Variants in ZNF462 observed in about 807,000 individuals in gnomAD.
ZNF462 encodes zinc finger protein 462.
Under a neutral mutation model 201.9 loss-of-function variants are expected in ZNF462, and 10 were observed. That is an observed-to-expected ratio of 0.05 (90% CI 0.03 to 0.08). The LOEUF is 0.08. ZNF462 is among the 10% of genes least tolerant of loss of function. The pLI is 1.00. For missense variants in ZNF462, 2,523 were observed against 3,168.3 expected (o/e 0.80, Z 4.89); for synonymous variants, 1,227 against 1,193.3 (o/e 1.03, Z -0.58).
chr9:106,892,749 T>C (rs1828643457), intron 1 of ZNF462, among the ~76,000 whole-genome samples: 1 of 151,986 alleles, frequency 6.6e-6, no homozygotes, highest in African/African-American at 2.4e-5. Context: ...ATGAATAATA[T>C]TTAGTCTGCA....
chr9:106,861,354 A>G (rs1827061539), upstream of ZNF462, among the ~76,000 whole-genome samples: 1 of 152,068 alleles, frequency 6.6e-6, no homozygotes, highest in Admixed American at 6.5e-5. Context: ...TTATAGGTAT[A>G]TATCTTCTCG....
intron 1 of ZNF462, among the ~76,000 whole-genome samples, chr9:106,878,847 C>T (rs1457927046): frequency 6.6e-6 from 1 of 152,140 alleles, no homozygotes; most frequent in East Asian, 1.9e-4. Context: ...ATATTTACTC[C>T]AAAATATCTT....
chr9:106,923,422 C>T lies in ZNF462; in HGVS notation c.39C>T (p.Ala13=). The T allele has an allele frequency of 6.2e-7, 1 of 1,614,140 alleles. No homozygotes were observed. The highest frequency in any genetic ancestry group is 8.5e-7 in the Non-Finnish European group (1 of 1,180,032). Residue 13 remains alanine, a synonymous_variant, in exon 2 of 13, where the codon GCC becomes GCT. Coordinates refer to ENST00000277225, the MANE Select transcript of ZNF462 (RefSeq NM_021224.6). This position sits in a 1 kb window ranked among gnomAD's most constrained non-coding sequence, Gnocchi z 5.6. ...VLQCDGCDFR[A]PSYEDLKAHI... ...AGTGTGATGGCTGTGATTTCCGAGC[C>T]CCGTCTTATGAAGATCTCAAGGCAC...
Position 106,941,762 on chromosome 9 carries a change from G to A in ZNF462, c.6427+2655G>A, listed in dbSNP as rs557913082. ...TAGTTAATAATTGTTCATTCAGTAA[G>A]TATTTTCTTGAATCCTTACTATAGA... On this transcript the variant is annotated intron_variant, in intron 7 of 12. Transcript: ENST00000277225. Among the ~76,000 whole-genome samples, 12 of 152,350 alleles carry A rather than the reference G, an allele frequency of 7.9e-5. No individual in the cohort carries two copies. In the South Asian group the frequency reaches 2.3e-3, roughly 29 times the overall value.
At chr9:106,904,645 T>G (rs1829193223) in intron 1 of ZNF462, among the ~76,000 whole-genome samples, 1 of 152,234 alleles carries the variant, frequency 6.6e-6, no homozygotes, top group Non-Finnish European at 1.5e-5. Flanking sequence ...TTTTTCTTTG[T>G]CTTTGTTGGA....
intron 10 of ZNF462, among the ~76,000 whole-genome samples, chr9:106,997,110 T>TCC (rs146384082): frequency 1.3e-3 from 198 of 151,446 alleles, no homozygotes; most frequent in African/African-American, 4.2e-3. Context: ...TTTCTTTCTT[T>TCC]CCCCCCCCAG....
Position 107,013,049 on chromosome 9 carries a change from T to C in ZNF462, c.*2019T>C, listed in dbSNP as rs1830012003. On this transcript the variant is annotated 3_prime_UTR_variant, in exon 13 of 13. Transcript: ENST00000277225. ...TTAATTGGCCTCATTTCAAATGTAT[T>C]AAACAGTTCCATACCTGGATTGGGT... 7.3e-6 allele frequency: 1 copy of C among 136,408 alleles called. No homozygotes were observed. Among genetic ancestry groups the C allele is most frequent in the Non-Finnish European group, 1.5e-5 (1 of 67,784 alleles). 8.4% of individuals were successfully genotyped at this position (136,408 alleles called of 1,614,324 possible). A position where few individuals can be genotyped will look rare whatever the true frequency, so the allele number is the denominator to read the frequency against.
rs900729376 is a variant in ZNF462 at position 106,930,783 on chromosome 9, C to T, written c.6012+94C>T. On this transcript the variant is annotated intron_variant, in intron 4 of 12. Coordinates refer to ENST00000277225, the MANE Select transcript of ZNF462 (RefSeq NM_021224.6). The surrounding 1 kb of genome is among the most constrained non-coding windows in gnomAD (Gnocchi z 5.8). ...TAAAGCAGCTCAGGAAAGAGCATCT[C>T]AGAATGCGGGCATTCCTGAATTATG... 8.3e-6 allele frequency: 12 copies of T among 1,452,336 alleles called. No individual in the cohort carries two copies. The highest frequency in any genetic ancestry group is 5.7e-5 in the Admixed American group (3 of 52,282). 90.0% of individuals were successfully genotyped at this position (1,452,336 alleles called of 1,614,324 possible). A position where few individuals can be genotyped will look rare whatever the true frequency, so the allele number is the denominator to read the frequency against.
chr9:106,868,142 A>C (rs1827429102), intron 1 of ZNF462, among the ~76,000 whole-genome samples: 1 of 151,992 alleles, frequency 6.6e-6, no homozygotes, highest in Admixed American at 6.6e-5. Flanking sequence ...ATGGAGTATG[A>C]TGGCTTTGAG....
At chr9:106,965,449 G>A (rs1832031031) in intron 7 of ZNF462, among the ~76,000 whole-genome samples, 1 of 152,040 alleles carries the variant, frequency 6.6e-6, no homozygotes, top group South Asian at 2.1e-4. Flanking sequence ...GTAATAGGAG[G>A]ACCTCAATGA....
At chr9:106,957,944 C>G (rs895571348) in intron 7 of ZNF462, among the ~76,000 whole-genome samples, 1 of 152,008 alleles carries the variant, frequency 6.6e-6, no homozygotes, top group African/African-American at 2.4e-5. Context: ...CTACTAAGTT[C>G]CTTTCTTTCC....
chr9:107,012,439 C>CTTTTTTTT lies in ZNF462; in HGVS notation c.*1427_*1434dup, dbSNP rs962253808. 153 of 86,184 alleles carry CTTTTTTTT rather than the reference C, an allele frequency of 1.8e-3. 1 individual carries two copies. The highest frequency in any genetic ancestry group is 2.3e-3 in the East Asian group (6 of 2,554). The allele number at this position is 86,184 out of a possible 1,614,324, so 5.3% of individuals were successfully genotyped here. The stretch of plus-strand genomic sequence containing the variant: ...GCCTGGAGAACTACTTTCTTTCTTT[C>CTTTTTTTT]TTTTTTTTTTTTTTTTTTTTTTTTT... On this transcript the variant is annotated 3_prime_UTR_variant, in exon 13 of 13. Transcript: ENST00000277225.
In ZNF462 at chr9:106,987,796, C is replaced by T. The variant is rs148568139; in HGVS notation, c.7056+3387C>T. Among the ~76,000 whole-genome samples the T allele has an allele frequency of 8.0e-4, 122 of 152,188 alleles. 1 individual carries two copies. Among genetic ancestry groups the T allele is most frequent in the Non-Finnish European group, 1.4e-3 (94 of 67,992 alleles). ...TCTTCTAGAATTTTTATAGTTTCTC[C>T]TCTTAGATTTAAGTCCTTAATCCAT... On this transcript the variant is annotated intron_variant, in intron 10 of 12. Coordinates refer to ENST00000277225, the MANE Select transcript of ZNF462 (RefSeq NM_021224.6).
Position 106,932,559 on chromosome 9 carries a change from A to G in ZNF462, c.6116+10A>G, listed in dbSNP as rs764738865. On this transcript the variant is annotated intron_variant, in intron 5 of 12. Coordinates refer to ENST00000277225, the MANE Select transcript of ZNF462 (RefSeq NM_021224.6). The surrounding 1 kb of genome is among the most constrained non-coding windows in gnomAD (Gnocchi z 6.8). ...CTGCTTTCAGGCACAAGTAAGTGCT[A>G]TTGGGGGGTCACTAGTGGTTACTGG... 15 of 1,614,076 alleles carry G rather than the reference A, an allele frequency of 9.3e-6. No homozygotes were observed. Among genetic ancestry groups the G allele is most frequent in the Admixed American group, 1.7e-5 (1 of 60,004 alleles).
In ZNF462 at chr9:106,926,298, G is replaced by A; in HGVS notation, c.2386G>A (p.Asp796Asn). ...TGAGATTGAGCTCACCCTTTCTGAAGATGAAGAGGATTATTATGGCTCCTC... is the reference window on the plus strand; with the variant it reads ...TGAGATTGAGCTCACCCTTTCTGAAAATGAAGAGGATTATTATGGCTCCTC... ...GAEIELTLSE[D>N]EEDYYGSSTN... is the part of the protein sequence containing the mutation. Residue 796 changes from aspartate (D) to asparagine (N), a missense_variant, in exon 3 of 13, where the codon GAT (aspartate) becomes AAT (asparagine). Physicochemically the swap from Asp to Asn is conservative, Grantham distance 23 (BLOSUM62 1). This residue lies in a region of ZNF462 where 383 missense variants were observed against 453.4 expected (regional missense o/e 0.84). Transcript: ENST00000277225. This position sits in a 1 kb window ranked among gnomAD's most constrained non-coding sequence, Gnocchi z 7.9. 1 of 1,614,174 alleles carries A rather than the reference G, an allele frequency of 6.2e-7. No homozygotes were observed. The highest frequency in any genetic ancestry group is 8.5e-7 in the Non-Finnish European group (1 of 1,180,044).
intron 6 of ZNF462, among the ~76,000 whole-genome samples, chr9:106,936,875 C>T (rs989687199): frequency 1.3e-5 from 2 of 152,174 alleles, no homozygotes; most frequent in Non-Finnish European, 2.9e-5. Context: ...GCTCTTGGAA[C>T]TGACCCAAAA....
chr9:106,965,864 T>C (rs1277370897), intron 7 of ZNF462, among the ~76,000 whole-genome samples: 2 of 152,116 alleles, frequency 1.3e-5, no homozygotes, highest in Non-Finnish European at 2.9e-5. Flanking sequence ...TTTTTGTCCT[T>C]TGCCTAAGTT....
intron 1 of ZNF462, among the ~76,000 whole-genome samples, chr9:106,901,033 G>C (rs1457594613): frequency 2.6e-5 from 4 of 152,152 alleles, no homozygotes; most frequent in Non-Finnish European, 5.9e-5. Context: ...TTAGATTTAA[G>C]TCTTTAATCC....
chr9:106,926,734 T>C lies in ZNF462; in HGVS notation c.2822T>C (p.Met941Thr). Residue 941 changes from methionine (M) to threonine (T), a missense_variant, in exon 3 of 13, where the codon ATG becomes ACG. By Grantham distance (81) the Met-to-Thr change is moderately conservative (BLOSUM62 -1). This residue lies in a region of ZNF462 where 280 missense variants were observed against 321.3 expected (regional missense o/e 0.87). Coordinates refer to ENST00000277225, the MANE Select transcript of ZNF462 (RefSeq NM_021224.6). The surrounding 1 kb of genome is among the most constrained non-coding windows in gnomAD (Gnocchi z 7.9). The stretch of plus-strand genomic sequence containing the variant: ...ACGAGCCCGAATGTTAGAAGCCTGA[T>C]GCCACATTACCAAAGAATGCATCCC... Reference protein sequence around the residue: ...SYTSPNVRSLMPHYQRMHPTV... With the variant: ...SYTSPNVRSLTPHYQRMHPTV... 1 of 1,614,160 alleles carries C rather than the reference T, an allele frequency of 6.2e-7. No homozygotes were observed. The highest frequency in any genetic ancestry group is 8.5e-7 in the Non-Finnish European group (1 of 1,180,036).
Sources: gnomAD v4.1 joint callset for allele counts (sites outside exome capture counted in the v4.1 genomes callset) on GRCh38, gnomAD v4.1.1 for gene constraint, gnomAD v4.1.1 regional missense constraint, Gnocchi (gnomAD v3.1) non-coding constraint, MANE v1.5 for transcripts, NCBI Gene and HGNC (gene_info 2026-07-23, HGNC 2026-07-21) for gene names.